Variants in ERI1 observed in about 807,000 individuals in gnomAD.
The protein encoded by ERI1 is exoribonuclease 1, also known as 3'-5' exoribonuclease 1.
ERI1 carries 39 observed loss-of-function variants against 39.7 expected under a neutral mutation model. That is an observed-to-expected ratio of 0.98 (90% CI 0.76 to 1.28). The LOEUF is 1.28. ERI1 is among the 50% of genes most tolerant of loss of function. The pLI, the probability that ERI1 is intolerant of heterozygous loss-of-function variation, is 0.00. For synonymous variants in ERI1, 204 were observed against 149.6 expected, an observed-to-expected ratio of 1.36 and a Z score of -2.65; for missense variants, 581 against 416.9, an observed-to-expected ratio of 1.39 and a Z score of -3.43.
intron 3 of ERI1, among the ~76,000 whole-genome samples, chr8:9,043,620 T>G (rs182121176): frequency 1.3e-5 from 2 of 152,354 alleles, no homozygotes; most frequent in Middle Eastern, 3.4e-3. Flanking sequence ...TATTATGTAT[T>G]TGGTATTCCA....
chr8:9,094,443 G>A (rs778903250), intron 3 of ERI1, among the ~76,000 whole-genome samples: 3 of 152,068 alleles, frequency 2.0e-5, no homozygotes, highest in African/African-American at 2.4e-5. Flanking sequence ...TTCAATCCAC[G>A]TACCTCTTTG....
chr8:9,083,995 G>C (rs991329896), intron 3 of ERI1, among the ~76,000 whole-genome samples: 3 of 152,024 alleles, frequency 2.0e-5, no homozygotes, highest in Non-Finnish European at 2.9e-5. Context: ...GGGTTTCACC[G>C]TGTTAGCCAG....
chr8:9,057,290 G>A (rs1199836884), intron 3 of ERI1, among the ~76,000 whole-genome samples: 15 of 152,102 alleles, frequency 9.9e-5, no homozygotes, highest in African/African-American at 2.9e-4. Context: ...GATGACTGAC[G>A]TGAGCCACTG....
intron 3 of ERI1, among the ~76,000 whole-genome samples, chr8:9,061,292 T>C (rs1798687047): frequency 6.6e-6 from 1 of 152,114 alleles, no homozygotes; most frequent in Admixed American, 6.5e-5. Flanking sequence ...GAGGGTCAGA[T>C]GTGGTATCCA....
chr8:9,041,400 A>G (rs886566459), intron 3 of ERI1, among the ~76,000 whole-genome samples: 1 of 152,200 alleles, frequency 6.6e-6, no homozygotes, highest in African/African-American at 2.4e-5. Flanking sequence ...TCTCATCGGC[A>G]CATGGAACAT....
At chr8:9,015,456 A>G (rs1414523418) in intron 3 of ERI1, among the ~76,000 whole-genome samples, 2 of 152,212 alleles carry the variant, frequency 1.3e-5, no homozygotes, top group East Asian at 3.9e-4. Flanking sequence ...CCTGATAACA[A>G]TACTGGCCTC....
intron 3 of ERI1, among the ~76,000 whole-genome samples, chr8:9,080,024 G>GAGTA (rs1799323198): frequency 6.6e-6 from 1 of 151,816 alleles, no homozygotes; most frequent in Non-Finnish European, 1.5e-5. Flanking sequence ...GAGTGACAGG[G>GAGTA]AGTAGGCTGA....
intron 3 of ERI1, among the ~76,000 whole-genome samples, chr8:9,067,381 C>CGTGTGT (rs1563369279): frequency 3.6e-4 from 25 of 68,996 alleles, no homozygotes; most frequent in Non-Finnish European, 5.4e-4. Flanking sequence ...AACCTGTGTG[C>CGTGTGT]ATGTGTGTGT....
intron 3 of ERI1, among the ~76,000 whole-genome samples, chr8:9,054,237 C>T (rs1798441774): frequency 6.6e-6 from 1 of 152,174 alleles, no homozygotes; most frequent in African/African-American, 2.4e-5. Flanking sequence ...ATGGCAGGCT[C>T]CCATTAGAAA....
chr8:9,045,726 G>C (rs1427207675), intron 3 of ERI1, among the ~76,000 whole-genome samples: 1 of 147,210 alleles, frequency 6.8e-6, no homozygotes, highest in Non-Finnish European at 1.5e-5. Flanking sequence ...ACCCAGGCTA[G>C]AGGGCAGTGG....
intron 1 of ERI1, among the ~76,000 whole-genome samples, chr8:9,006,182 T>C (rs1368077968): frequency 2.0e-5 from 3 of 152,252 alleles, no homozygotes; most frequent in Admixed American, 1.3e-4. Flanking sequence ...GATTTGAGCA[T>C]CCTTCTTTGT....
At chr8:9,079,843 G>T (rs558470008) in intron 3 of ERI1, among the ~76,000 whole-genome samples, 1 of 151,964 alleles carries the variant, frequency 6.6e-6, no homozygotes, top group Non-Finnish European at 1.5e-5. Flanking sequence ...GGTAATTTTT[G>T]TATTTTTTGT....
At chr8:9,098,959 G>A (rs551187088) in intron 3 of ERI1, among the ~76,000 whole-genome samples, 21 of 151,928 alleles carry the variant, frequency 1.4e-4, no homozygotes, top group South Asian at 2.1e-4. Context: ...TCAGCTTCCC[G>A]AGTAGCTGGG....
chr8:9,096,372 G>C (rs574340419), intron 3 of ERI1, among the ~76,000 whole-genome samples: 1 of 152,276 alleles, frequency 6.6e-6, no homozygotes, highest in African/African-American at 2.4e-5. Flanking sequence ...AGGGGTGTCT[G>C]AGGACACCTA....
chr8:9,023,752 T>C (rs1818173259), intron 6 of ERI1, among the ~76,000 whole-genome samples: 2 of 151,796 alleles, frequency 1.3e-5, no homozygotes, highest in Middle Eastern at 6.8e-3. Flanking sequence ...AGGTATATTA[T>C]ATGGTATGTC....
At chr8:9,015,722 CAAAAAAAAA>C (rs758835506) in intron 3 of ERI1, among the ~76,000 whole-genome samples, 2 of 56,576 alleles carry the variant, frequency 3.5e-5, no homozygotes, top group African/African-American at 8.2e-5. Flanking sequence ...ACTCTGTCTC[CAAAAAAAAA>C]AAAAAAAAAA....
At chr8:9,072,738 T>G (rs1165482518) in intron 3 of ERI1, among the ~76,000 whole-genome samples, 1 of 152,202 alleles carries the variant, frequency 6.6e-6, no homozygotes, top group South Asian at 2.1e-4. Context: ...TCTTGACATG[T>G]GCTCTGCCAC....
chr8:9,021,774 GT>G (rs200507835), intron 6 of ERI1, among the ~76,000 whole-genome samples: 403 of 88,310 alleles, frequency 4.6e-3, no homozygotes, highest in Middle Eastern at 0.013. Context: ...TGTTTTTTTT[GT>G]TTTTTTTTTT....
At chr8:9,063,123 T>G (rs1798759457) in intron 3 of ERI1, among the ~76,000 whole-genome samples, 1 of 152,334 alleles carries the variant, frequency 6.6e-6, no homozygotes, top group South Asian at 2.1e-4. Context: ...CGGAATTTAA[T>G]TTTTGGAGCT....
Sources: gnomAD v4.1 joint callset for allele counts (sites outside exome capture counted in the v4.1 genomes callset) on GRCh38, gnomAD v4.1.1 for gene constraint, MANE v1.5 for transcripts, NCBI Gene and HGNC (gene_info 2026-07-23, HGNC 2026-07-21) for gene names.